Variants in CLSTN2 observed in about 807,000 individuals in gnomAD.
The protein encoded by CLSTN2 is calsyntenin 2.
Under a neutral mutation model 101.2 loss-of-function variants are expected in CLSTN2, and 48 were observed. The ratio of observed to expected loss-of-function variants is 0.47; its 90% CI spans 0.38 to 0.60. CLSTN2 has a LOEUF of 0.60. CLSTN2 is among the 20% of genes least tolerant of loss of function. CLSTN2 has a pLI of 0.00. For missense variants in CLSTN2, 1,160 were observed against 1,238.2 expected (o/e 0.94, Z 0.95); for synonymous variants, 481 against 463.6 (o/e 1.04, Z -0.48).
chr3:140,178,517 T>C (rs533614098), intron 2 of CLSTN2, among the ~76,000 whole-genome samples: 40 of 152,316 alleles, frequency 2.6e-4, no homozygotes, highest in African/African-American at 9.6e-4. Flanking sequence ...ACTTCTATAC[T>C]TCTATGATTT....
chr3:140,199,581 C>T (rs1336935714), intron 2 of CLSTN2, among the ~76,000 whole-genome samples: 1 of 152,206 alleles, frequency 6.6e-6, no homozygotes, highest in Non-Finnish European at 1.5e-5. Flanking sequence ...GCCCAGGCCC[C>T]TGCCCACCTG....
At chr3:140,472,001 A>G (rs1933860339) in intron 8 of CLSTN2, among the ~76,000 whole-genome samples, 1 of 152,186 alleles carries the variant, frequency 6.6e-6, no homozygotes, top group Admixed American at 6.5e-5. Context: ...AATGTGTCTG[A>G]GAAGTTTGGA....
chr3:140,546,642 G>A lies in CLSTN2; in HGVS notation c.1635G>A (p.Leu545=). The A allele has an allele frequency of 2.5e-6, 4 of 1,613,720 alleles. No homozygotes were observed. Among genetic ancestry groups the A allele is most frequent in the Non-Finnish European group, 3.4e-6 (4 of 1,179,908 alleles). ...ISCLQACKEG[L]DINSLESLGQ... ...GCCTGCAGGCCTGCAAGGAAGGGCT[G>A]GACATTAATTCCTTGGAAAGCCTTG... Residue 545 remains leucine (L), a synonymous_variant, in exon 10 of 17, where the codon CTG becomes CTA. Coordinates refer to ENST00000458420, the MANE Select transcript of CLSTN2 (RefSeq NM_022131.3).
At chr3:140,470,973 C>G (rs1933833489) in intron 8 of CLSTN2, among the ~76,000 whole-genome samples, 1 of 152,146 alleles carries the variant, frequency 6.6e-6, no homozygotes, top group Admixed American at 6.5e-5. Context: ...TCAGCCCAGC[C>G]CCTCTGCCCC....
intron 2 of CLSTN2, among the ~76,000 whole-genome samples, chr3:140,265,695 G>C (rs1184868872): frequency 1.3e-5 from 2 of 152,104 alleles, no homozygotes; most frequent in Non-Finnish European, 2.9e-5. Flanking sequence ...TCAGTGCTTT[G>C]AGTTTTCTTA....
At chr3:140,263,670 C>A (rs930551283) in intron 2 of CLSTN2, among the ~76,000 whole-genome samples, 1 of 152,126 alleles carries the variant, frequency 6.6e-6, no homozygotes, top group Non-Finnish European at 1.5e-5. Context: ...TGTTTGGCTG[C>A]AGGTAAATAA....
chr3:140,427,182 AAAATATATATATATATATATATGTGT>A (rs1306228795), intron 5 of CLSTN2, among the ~76,000 whole-genome samples: 2 of 79,808 alleles, frequency 2.5e-5, no homozygotes, highest in African/African-American at 1.9e-4. Flanking sequence ...TCAAAAAAAA[AAAATATATATATATATATATATGTGT>A]ATATATATAT....
chr3:140,073,384 G>C (rs2008429907), intron 1 of CLSTN2, among the ~76,000 whole-genome samples: 1 of 152,186 alleles, frequency 6.6e-6, no homozygotes. Flanking sequence ...CCAGAGCTTT[G>C]GAACTAAGAC....
At chr3:140,208,528 G>T (rs945829675) in intron 2 of CLSTN2, among the ~76,000 whole-genome samples, 1 of 152,120 alleles carries the variant, frequency 6.6e-6, no homozygotes, top group Non-Finnish European at 1.5e-5. Flanking sequence ...TGCTTAGGAT[G>T]TCTGTTCTCA....
chr3:140,459,414 A>G, intron 6 of CLSTN2, 107 bp from the exon 7 acceptor site: 1 of 1,274,420 alleles, frequency 7.8e-7, no homozygotes, highest in East Asian at 2.3e-5. Context: ...TTAGGCACAG[A>G]CGTCTCTGAG....
At chr3:139,975,737 C>T (rs1560059194) in intron 1 of CLSTN2, among the ~76,000 whole-genome samples, 1 of 152,130 alleles carries the variant, frequency 6.6e-6, no homozygotes, top group Admixed American at 6.5e-5. Context: ...GCAGGGGGTG[C>T]TTGTCCAGTG....
At chr3:140,039,437 A>G (rs1284160864) in intron 1 of CLSTN2, among the ~76,000 whole-genome samples, 3 of 152,094 alleles carry the variant, frequency 2.0e-5, no homozygotes, top group South Asian at 2.1e-4. Flanking sequence ...TTAATTCTCT[A>G]TTCCTAGCTA....
At chr3:140,452,169 C>A (rs945651856) in intron 6 of CLSTN2, among the ~76,000 whole-genome samples, 1 of 152,238 alleles carries the variant, frequency 6.6e-6, no homozygotes, top group East Asian at 1.9e-4. Flanking sequence ...CTGTGGTATA[C>A]CCTGGTGTGG....
chr3:140,501,164 G>A (rs1934566418), intron 8 of CLSTN2, among the ~76,000 whole-genome samples: 1 of 152,068 alleles, frequency 6.6e-6, no homozygotes, highest in Non-Finnish European at 1.5e-5. Flanking sequence ...CCTTGCTCTT[G>A]TTCTCTTTCT....
chr3:140,119,921 A>T (rs187466575), intron 1 of CLSTN2, among the ~76,000 whole-genome samples: 4 of 152,208 alleles, frequency 2.6e-5, no homozygotes, highest in Non-Finnish European at 5.9e-5. Context: ...CCTCAGTTTC[A>T]TCTCCCATGA....
intron 2 of CLSTN2, among the ~76,000 whole-genome samples, chr3:140,340,843 T>G (rs564283074): frequency 1.3e-5 from 2 of 152,214 alleles, no homozygotes; most frequent in Non-Finnish European, 2.9e-5. Context: ...CAGGCCTCCT[T>G]GTTTTTGATG....
At chr3:140,174,887 C>T (rs2010296857) in intron 1 of CLSTN2, among the ~76,000 whole-genome samples, 2 of 152,152 alleles carry the variant, frequency 1.3e-5, no homozygotes, top group South Asian at 2.1e-4. Flanking sequence ...CTTATTGTCT[C>T]ACGTTTATGG....
intron 2 of CLSTN2, among the ~76,000 whole-genome samples, chr3:140,234,059 T>C (rs2086394382): frequency 6.6e-6 from 1 of 152,234 alleles, no homozygotes; most frequent in Admixed American, 6.5e-5. Context: ...TGCTGATACC[T>C]GCTCTAGAGC....
intron 2 of CLSTN2, among the ~76,000 whole-genome samples, chr3:140,299,658 C>T (rs1254593910): frequency 6.6e-6 from 1 of 152,160 alleles, no homozygotes; most frequent in Non-Finnish European, 1.5e-5. Flanking sequence ...TGACTTACAT[C>T]CCACTTTGCT....
Sources: allele counts gnomAD v4.1 joint callset (sites outside exome capture counted in the v4.1 genomes callset), GRCh38; gene constraint gnomAD v4.1.1; transcripts MANE v1.5; gene names NCBI Gene and HGNC (gene_info 2026-07-23, HGNC 2026-07-21).